ATAD5: variants seen among roughly 807,000 people sequenced by gnomAD.
ATAD5 encodes the protein ATPase family AAA domain containing 5, also known as ATPase family AAA domain-containing protein 5.
ATAD5 carries 58 observed loss-of-function variants against 176.9 expected under a neutral mutation model. That is an observed-to-expected ratio of 0.33 (90% CI 0.27 to 0.41). ATAD5 has a LOEUF of 0.41. Ranked by LOEUF, ATAD5 falls within the 10% of genes least tolerant of loss-of-function variation. ATAD5 has a pLI of 1.00. For missense variants in ATAD5, 1,789 were observed against 2,094.1 expected, an observed-to-expected ratio of 0.85 and a Z score of 2.84; for synonymous variants, 640 against 712.6, an observed-to-expected ratio of 0.90 and a Z score of 1.62.
chr17:30,881,552 C>A (rs1274723307), intron 18 of ATAD5, among the ~76,000 whole-genome samples: 2 of 152,220 alleles, frequency 1.3e-5, no homozygotes, highest in African/African-American at 4.8e-5. Context: ...ATCCACCCAC[C>A]TTGGCCTCTT....
chr17:30,894,301 G>A, intron 21 of ATAD5, 151 bp downstream of exon 21: 1 of 791,406 alleles, frequency 1.3e-6, no homozygotes, highest in Non-Finnish European at 1.9e-6. Flanking sequence ...TAGCTAAAGA[G>A]ACCAGCTTGA....
rs374178056 is a variant in ATAD5 at position 30,868,330 on chromosome 17, C to G, written c.3234-3C>G. 1 of 1,558,386 alleles carries G rather than the reference C, an allele frequency of 6.4e-7. No individual in the cohort carries two copies. The highest frequency in any genetic ancestry group is 1.2e-5 in the South Asian group (1 of 81,092). ...TTATTTTTATTATGTTTTCTTGTGG[C>G]AGTTGGTTGAAAGACTGGAAAAGAA... is the stretch of plus-strand genomic sequence containing the variant. On this transcript the variant is annotated splice_polypyrimidine_tract_variant and splice_region_variant and intron_variant, in intron 11 of 22. Coordinates refer to ENST00000321990, the MANE Select transcript of ATAD5 (RefSeq NM_024857.5).
At chr17:30,887,878 C>G (rs62070651) in intron 19 of ATAD5, among the ~76,000 whole-genome samples, 35,895 of 151,978 alleles carry the variant, frequency 0.24, 4,376 homozygotes, top group Middle Eastern at 0.28. Context: ...GTTGCCTGGG[C>G]TAGAGTGCAG....
At position 30,869,396 on chromosome 17, in the gene ATAD5, T is replaced by G; in HGVS notation, c.3456+6T>G. ...CCCAGGAGCTTGGATTTAAGGTTAG[T>G]AACAGCTATGATGAGAGAATGTTAA... On this transcript the variant is annotated splice_donor_region_variant and intron_variant, in intron 13 of 22. Transcript: ENST00000321990. The G allele has an allele frequency of 1.2e-6, 2 of 1,611,792 alleles. No homozygotes were observed. Among genetic ancestry groups the G allele is most frequent in the South Asian group, 2.2e-5 (2 of 90,524 alleles).
chr17:30,837,122 G>A (rs531640634), intron 2 of ATAD5, 84 bp from the exon 3 acceptor site: 60 of 771,182 alleles, frequency 7.8e-5, no homozygotes, highest in Non-Finnish European at 1.1e-4. Flanking sequence ...CACTGCACCA[G>A]CTCTATTTTA....
chr17:30,882,009 C>T (rs1328066778), intron 18 of ATAD5, among the ~76,000 whole-genome samples: 1 of 152,118 alleles, frequency 6.6e-6, no homozygotes, highest in Non-Finnish European at 1.5e-5. Context: ...CCTGTAATCC[C>T]AGCACTTTGG....
chr17:30,841,493 A>G (rs1465697244), intron 4 of ATAD5, among the ~76,000 whole-genome samples: 2 of 152,196 alleles, frequency 1.3e-5, no homozygotes, highest in Non-Finnish European at 2.9e-5. Flanking sequence ...TTGAGATATA[A>G]TTCATATACA....
intron 11 of ATAD5, among the ~76,000 whole-genome samples, chr17:30,866,950 A>G (rs1432874370): frequency 6.6e-6 from 1 of 152,204 alleles, no homozygotes. Flanking sequence ...TAATTCTAAA[A>G]CAATCTGGTC....
chr17:30,858,332 T>C lies in ATAD5; in HGVS notation c.2956+9T>C, dbSNP rs187696580. ...GTGTCATAGTAAACAAGGTTAGTGA[T>C]AATTATTATCATTTATGTTAACATA... On this transcript the variant is annotated intron_variant, in intron 9 of 22. Transcript: ENST00000321990. The C allele has an allele frequency of 4.7e-4, 680 of 1,451,656 alleles. 10 individuals carry two copies. In the East Asian group the frequency reaches 0.017, roughly 36 times the overall value. 89.9% of individuals were successfully genotyped at this position (1,451,656 alleles called of 1,614,324 possible). A position where few individuals can be genotyped will look rare whatever the true frequency, so the allele number is the denominator to read the frequency against.
intron 14 of ATAD5, chr17:30,869,969 C>G: frequency 4.4e-6 from 1 of 225,582 alleles, no homozygotes; most frequent in East Asian, 1.6e-4. Context: ...AAAAAAGTAG[C>G]TAGGTGTGGT....
chr17:30,850,858 TATATATATATA>T (rs1335940284), intron 6 of ATAD5, among the ~76,000 whole-genome samples: 12 of 37,626 alleles, frequency 3.2e-4, no homozygotes, highest in South Asian at 1.7e-3. Flanking sequence ...TATATATATA[TATATATATATA>T]TTTTTTTTTT....
intron 15 of ATAD5, 45 bp downstream of exon 15, chr17:30,876,595 A>C (rs753513742): frequency 4.2e-6 from 5 of 1,202,536 alleles, no homozygotes; most frequent in Non-Finnish European, 5.7e-6. Context: ...AATAATAATG[A>C]CCCTTATACC....
In ATAD5 at chr17:30,894,868, C is replaced by T; in HGVS notation, c.5490C>T (p.Asp1830=). The change falls in exon 23 of 23, where the codon GAC becomes GAT. Residue 1830 remains aspartate, a synonymous_variant. Transcript: ENST00000321990. ...ACTATTTTGAAGGAATTCATCTTGA[C>T]ATTCCAAAAGAGACTGTGAATACTT... The part of the protein sequence containing the change: ...FLHYFEGIHL[D]IPKETVNTLA... 1 of 1,597,914 alleles carries T rather than the reference C, an allele frequency of 6.3e-7. No homozygotes were observed. Among genetic ancestry groups the T allele is most frequent in the Admixed American group, 1.8e-5 (1 of 55,414 alleles).
Position 30,858,204 on chromosome 17 carries a change from T to G in ATAD5, c.2837T>G (p.Leu946Arg), listed in dbSNP as rs1322998233. ...GAATTTACTGAAGAAGTAAGAAATC[T>G]TTTGCTTGAGGAAATTAGGTGGTCA... The part of the protein sequence containing the change: ...RKEFTEEVRN[L>R]LLEEIRWSNP... The change falls in exon 9 of 23, where the codon CTT becomes CGT. Residue 946 changes from leucine to arginine, a missense_variant. Leu to Arg is a moderately radical substitution (Grantham distance 102). Coordinates refer to ENST00000321990, the MANE Select transcript of ATAD5 (RefSeq NM_024857.5). 2 of 1,590,264 alleles carry G rather than the reference T, an allele frequency of 1.3e-6. No homozygotes were observed. The highest frequency in any genetic ancestry group is 2.7e-5 in the African/African-American group (2 of 73,798).
chr17:30,876,549 A>T lies in ATAD5; in HGVS notation c.3783A>T (p.Lys1261Asn). Residue 1261 changes from lysine to asparagine, a missense_variant and splice_region_variant, in exon 15 of 23, where the codon AAA becomes AAT. Around this residue, in one of 6 missense-constraint regions of ATAD5, gnomAD observed 194 missense variants for 270.1 expected, o/e 0.72. Transcript: ENST00000321990. ...EEIGMLLENN[K>N]GIKNSFEQKQ... ...TAGGAATGCTTCTGGAAAATAATAA[A>T]GGTAAGACATTAAATTGACAAATTT... The T allele has an allele frequency of 2.0e-6, 3 of 1,530,804 alleles. No homozygotes were observed. The highest frequency in any genetic ancestry group is 2.7e-6 in the Non-Finnish European group (3 of 1,122,800). The allele number at this position is 1,530,804 out of a possible 1,614,324, so 94.8% of individuals were successfully genotyped here. A position where few individuals can be genotyped will look rare whatever the true frequency, so the allele number is the denominator to read the frequency against.
In ATAD5 at chr17:30,879,851, T is replaced by C. The variant is rs369827348; in HGVS notation, c.4077+364T>C. Among the ~76,000 whole-genome samples the C allele has an allele frequency of 6.1e-4, 92 of 150,506 alleles. 1 individual carries two copies. In the South Asian group the frequency reaches 0.011, roughly 17 times the overall value. On this transcript the variant is annotated intron_variant, in intron 18 of 22. Coordinates refer to ENST00000321990, the MANE Select transcript of ATAD5 (RefSeq NM_024857.5). ...TGCTGGGATTACAGGCGTGAGCCACTGCGCCCGGTCCAATACAGCTATAAT... is the reference window on the plus strand; with the variant it reads ...TGCTGGGATTACAGGCGTGAGCCACCGCGCCCGGTCCAATACAGCTATAAT...
intron 20 of ATAD5, 143 bp downstream of exon 20, chr17:30,892,931 C>T: frequency 1.4e-6 from 1 of 715,354 alleles, no homozygotes; most frequent in African/African-American, 1.8e-5. Flanking sequence ...TTTAACACAT[C>T]CTACCACTTT....
chr17:30,877,738 C>T (rs1362453967), intron 16 of ATAD5, among the ~76,000 whole-genome samples, 189 bp downstream of exon 16: 1 of 152,084 alleles, frequency 6.6e-6, no homozygotes, highest in African/African-American at 2.4e-5. Context: ...TAATGTAATT[C>T]ACGGCTGCTA....
chr17:30,834,013 A>C, intron 1 of ATAD5, 135 bp from the exon 2 acceptor site: 1 of 745,286 alleles, frequency 1.3e-6, no homozygotes, highest in Non-Finnish European at 2.0e-6. Flanking sequence ...TTTCTTTCTA[A>C]TATATCACGT....
Sources: allele counts gnomAD v4.1 joint callset (sites outside exome capture counted in the v4.1 genomes callset), GRCh38; gene constraint gnomAD v4.1.1; regional missense constraint gnomAD v4.1.1; transcripts MANE v1.5; gene names NCBI Gene and HGNC (gene_info 2026-07-23, HGNC 2026-07-21).